CNTN4: variants seen among roughly 807,000 people sequenced by gnomAD.
CNTN4 encodes contactin-4.
Under a neutral mutation model 122.5 loss-of-function variants are expected in CNTN4, and 77 were observed. That is an observed-to-expected ratio of 0.63 (90% CI 0.52 to 0.76). The LOEUF (loss-of-function observed/expected upper bound fraction) is 0.76. Ranked by LOEUF, CNTN4 falls within the 30% of genes least tolerant of loss-of-function variation. The pLI, the probability that CNTN4 is intolerant of heterozygous loss-of-function variation, is 0.00. For synonymous variants in CNTN4, 512 were observed against 447.0 expected, an observed-to-expected ratio of 1.15 and a Z score of -1.83; for missense variants, 1,256 against 1,259.1, an observed-to-expected ratio of 1.00 and a Z score of 0.04.
chr3:2,774,667 GAAT>G (rs2091244614), intron 6 of CNTN4, among the ~76,000 whole-genome samples: 1 of 152,090 alleles, frequency 6.6e-6, no homozygotes, highest in Non-Finnish European at 1.5e-5. Flanking sequence ...ACAGCAAATA[GAAT>G]AACACTCCTT....
chr3:2,267,541 T>C lies in CNTN4; in HGVS notation c.-144-71637T>C, dbSNP rs75839559. Among the ~76,000 whole-genome samples, 962 of 152,220 alleles carry C rather than the reference T, an allele frequency of 6.3e-3. 8 individuals are homozygous for C. The highest frequency in any genetic ancestry group is 0.022 in the African/African-American group (930 of 41,552). ...ATGTCATGTCTGTTATACATGACAA[T>C]CATATCTCATCTGTGACTCATGAAC... On this transcript the variant is annotated intron_variant, in intron 2 of 24. Coordinates refer to ENST00000418658, the MANE Select transcript of CNTN4 (RefSeq NM_175607.3).
chr3:2,279,031 GGTGCAAGCCTAGA>G (rs1466846159), intron 2 of CNTN4, among the ~76,000 whole-genome samples: 1 of 151,920 alleles, frequency 6.6e-6, no homozygotes, highest in East Asian at 1.9e-4. Context: ...GACAATTGAA[GGTGCAAGCCTAGA>G]GAGATTACCT....
intron 6 of CNTN4, among the ~76,000 whole-genome samples, chr3:2,797,117 C>G (rs2092210867): frequency 6.6e-6 from 1 of 152,332 alleles, no homozygotes; most frequent in South Asian, 2.1e-4. Context: ...CCTCCTGCCT[C>G]AGCCTCCTGA....
intron 2 of CNTN4, among the ~76,000 whole-genome samples, chr3:2,153,686 A>C (rs1197259677): frequency 2.0e-5 from 3 of 152,138 alleles, no homozygotes; most frequent in Non-Finnish European, 2.9e-5. Context: ...GAAGCGTTTA[A>C]ATAATGACCT....
chr3:2,636,452 A>G (rs76253771), intron 4 of CNTN4, among the ~76,000 whole-genome samples: 2 of 152,078 alleles, frequency 1.3e-5, no homozygotes, highest in African/African-American at 2.4e-5. Flanking sequence ...TCACCTGGGG[A>G]AAAAAACCCA....
chr3:2,167,837 G>A (rs2036270296), intron 2 of CNTN4, among the ~76,000 whole-genome samples: 1 of 152,118 alleles, frequency 6.6e-6, no homozygotes, highest in Admixed American at 6.6e-5. Flanking sequence ...GAGAACCCCT[G>A]GTTTGAATAT....
At chr3:3,033,766 C>T (rs1320595050) in intron 16 of CNTN4, among the ~76,000 whole-genome samples, 1 of 152,168 alleles carries the variant, frequency 6.6e-6, no homozygotes, top group Non-Finnish European at 1.5e-5. Flanking sequence ...TTTGCTCTGG[C>T]TCTGTTGATA....
intron 7 of CNTN4, among the ~76,000 whole-genome samples, chr3:2,863,887 G>A (rs2093695868): frequency 6.6e-6 from 1 of 152,146 alleles, no homozygotes; most frequent in Admixed American, 6.5e-5. Flanking sequence ...TTAGGGAGGT[G>A]GGGGTAGAAA....
At chr3:2,398,455 C>A (rs1392733647) in intron 3 of CNTN4, among the ~76,000 whole-genome samples, 2 of 152,054 alleles carry the variant, frequency 1.3e-5, no homozygotes, top group Non-Finnish European at 2.9e-5. Flanking sequence ...TATTGACCAA[C>A]AGCTACTATA....
chr3:2,922,052 G>A (rs1048981926), intron 12 of CNTN4, among the ~76,000 whole-genome samples: 1 of 152,124 alleles, frequency 6.6e-6, no homozygotes, highest in African/African-American at 2.4e-5. Context: ...AGGGAGTGGT[G>A]CCCTCTAGCA....
chr3:2,348,762 C>T (rs2044498340), intron 3 of CNTN4, among the ~76,000 whole-genome samples: 1 of 152,308 alleles, frequency 6.6e-6, no homozygotes, highest in East Asian at 1.9e-4. Context: ...ATCCACAATG[C>T]TCTTTTAACC....
intron 2 of CNTN4, among the ~76,000 whole-genome samples, chr3:2,191,473 T>G (rs1478357058): frequency 1.1e-4 from 16 of 152,156 alleles, no homozygotes. Flanking sequence ...ATGTCCCTTT[T>G]GGGCTGCTTT....
chr3:2,816,296 A>C (rs9853373), intron 6 of CNTN4, among the ~76,000 whole-genome samples: 1 of 143,850 alleles, frequency 7.0e-6, no homozygotes, highest in Admixed American at 6.7e-5. Context: ...AGAGCTTGCA[A>C]TGAGCCGAGA....
At chr3:2,595,212 A>G (rs1430998928) in intron 4 of CNTN4, among the ~76,000 whole-genome samples, 1 of 152,212 alleles carries the variant, frequency 6.6e-6, no homozygotes, top group Admixed American at 6.5e-5. Context: ...TTTCTGATGC[A>G]TCCTTTCTGT....
At chr3:2,778,415 A>AT (rs144579134) in intron 6 of CNTN4, among the ~76,000 whole-genome samples, 2 of 147,004 alleles carry the variant, frequency 1.4e-5, no homozygotes, top group African/African-American at 4.9e-5. Flanking sequence ...GCCACTCATG[A>AT]TTTTTTAAAA....
intron 11 of CNTN4, among the ~76,000 whole-genome samples, chr3:2,901,822 G>A (rs2094177139): frequency 6.6e-6 from 1 of 152,180 alleles, no homozygotes; most frequent in African/African-American, 2.4e-5. Context: ...CTGTGTGCAG[G>A]AAGGAATTAG....
chr3:2,141,637 A>G (rs1473338833), intron 2 of CNTN4, among the ~76,000 whole-genome samples: 1 of 152,164 alleles, frequency 6.6e-6, no homozygotes, highest in Admixed American at 6.5e-5. Context: ...GGAAGAAACC[A>G]TAGAAAGTTC....
At chr3:2,975,194 GA>G (rs555707210) in intron 13 of CNTN4, among the ~76,000 whole-genome samples, 25 of 144,824 alleles carry the variant, frequency 1.7e-4, no homozygotes, top group Middle Eastern at 3.5e-3. Flanking sequence ...AAAGCAAACA[GA>G]AAAAAAAAAG....
At chr3:2,671,855 G>T (rs371047556) in intron 4 of CNTN4, among the ~76,000 whole-genome samples, 1 of 152,314 alleles carries the variant, frequency 6.6e-6, no homozygotes, top group East Asian at 1.9e-4. Context: ...GAGTTTGCCG[G>T]AGGTCCACTC....
Sources: gnomAD v4.1 joint callset for allele counts (sites outside exome capture counted in the v4.1 genomes callset) on GRCh38, gnomAD v4.1.1 for gene constraint, MANE v1.5 for transcripts, NCBI Gene and HGNC (gene_info 2026-07-23, HGNC 2026-07-21) for gene names.